Variants in PPP1R9A observed in about 807,000 individuals in gnomAD.
The protein encoded by PPP1R9A is protein phosphatase 1 regulatory subunit 9A, also known as neurabin-1.
Under a neutral mutation model 141.9 loss-of-function variants are expected in PPP1R9A, and 59 were observed. The observed-to-expected ratio is 0.42, with a 90% CI of 0.34 to 0.52. PPP1R9A has a LOEUF of 0.52. PPP1R9A is among the 20% of genes least tolerant of loss of function. The probability of loss-of-function intolerance (pLI) is 0.10; values close to 1 mark genes in which losing one functional copy is unlikely to be tolerated. For synonymous variants in PPP1R9A, 500 were observed against 569.7 expected (o/e 0.88, Z 1.74); for missense variants, 1,444 against 1,611.9 (o/e 0.90, Z 1.78).
chr7:94,984,939 T>C (rs754281419), intron 2 of PPP1R9A, among the ~76,000 whole-genome samples: 11 of 152,046 alleles, frequency 7.2e-5, no homozygotes, highest in African/African-American at 2.2e-4. Flanking sequence ...TGTCAATTTT[T>C]GATCTTTCCT....
At chr7:94,981,604 TACAGATA>T (rs1352329477) in intron 2 of PPP1R9A, among the ~76,000 whole-genome samples, 3 of 152,176 alleles carry the variant, frequency 2.0e-5, no homozygotes, top group African/African-American at 7.2e-5. Context: ...CACCTTGTAT[TACAGATA>T]ATTTTCTTTT....
At chr7:94,999,294 T>A (rs1802565398) in intron 2 of PPP1R9A, among the ~76,000 whole-genome samples, 1 of 152,158 alleles carries the variant, frequency 6.6e-6, no homozygotes, top group Non-Finnish European at 1.5e-5. Flanking sequence ...ATCTAAGAGC[T>A]ACAGTTTAAT....
At chr7:94,927,136 T>A (rs1378655757) in intron 2 of PPP1R9A, among the ~76,000 whole-genome samples, 2 of 152,214 alleles carry the variant, frequency 1.3e-5, no homozygotes, top group African/African-American at 4.8e-5. Flanking sequence ...TTTTCTGCAT[T>A]TTCTTTTTAA....
At chr7:95,036,969 C>T (rs918548666) in intron 2 of PPP1R9A, 3 of 152,120 alleles carry the variant, frequency 2.0e-5, no homozygotes, top group Non-Finnish European at 2.9e-5. Context: ...ATGCTGCTGT[C>T]GTTCATACAC....
At chr7:95,193,003 T>A (rs1296053343) in intron 5 of PPP1R9A, among the ~76,000 whole-genome samples, 1 of 152,110 alleles carries the variant, frequency 6.6e-6, no homozygotes, top group Non-Finnish European at 1.5e-5. Flanking sequence ...ATAACAATAG[T>A]GCATTCAAAT....
At chr7:95,176,080 T>C (rs2152768693) in intron 5 of PPP1R9A, among the ~76,000 whole-genome samples, 1 of 151,916 alleles carries the variant, frequency 6.6e-6, no homozygotes, top group East Asian at 1.9e-4. Flanking sequence ...CCACAGACCC[T>C]CTGAAAGAAG....
intron 5 of PPP1R9A, among the ~76,000 whole-genome samples, chr7:95,178,931 A>C (rs906693240): frequency 5.3e-5 from 8 of 152,172 alleles, no homozygotes; most frequent in African/African-American, 1.9e-4. Context: ...GATTCACAGC[A>C]GAATTCTATC....
rs1344552087 is a variant in PPP1R9A, at chr7:95,290,579, CTTGTG to C, written c.*285_*289del. On this transcript the variant is annotated 3_prime_UTR_variant, in exon 20 of 20. Transcript: ENST00000433360. Reference sequence around the variant, plus strand: ...TTGCTCTTCTCTAACTTACCAACATCTTGTGTTGTGTTGGGTGTGTTTTGTCACTT... The same window carrying C: ...TTGCTCTTCTCTAACTTACCAACATCTTGTGTTGGGTGTGTTTTGTCACTT... 3.4e-5 allele frequency: 13 copies of C among 378,792 alleles called. No individual in the cohort carries two copies. The highest frequency in any genetic ancestry group is 5.4e-5 in the Non-Finnish European group (11 of 204,032). 23.5% of individuals were successfully genotyped at this position (378,792 alleles called of 1,614,324 possible). A position where few individuals can be genotyped will look rare whatever the true frequency, so the allele number is the denominator to read the frequency against.
At chr7:95,079,001 C>G (rs1815333025) in intron 2 of PPP1R9A, among the ~76,000 whole-genome samples, 2 of 151,970 alleles carry the variant, frequency 1.3e-5, no homozygotes, top group South Asian at 4.1e-4. Context: ...TCCCATTTGT[C>G]AATTTTGGCT....
At chr7:95,009,473 G>A (rs1804108793) in intron 2 of PPP1R9A, among the ~76,000 whole-genome samples, 1 of 152,160 alleles carries the variant, frequency 6.6e-6, no homozygotes, top group Admixed American at 6.5e-5. Context: ...AGGTAGTAGG[G>A]AAGTTTTGAG....
chr7:94,981,148 T>G (rs1321007281), intron 2 of PPP1R9A, among the ~76,000 whole-genome samples: 1 of 152,018 alleles, frequency 6.6e-6, no homozygotes, highest in Non-Finnish European at 1.5e-5. Flanking sequence ...GAAGCTTAGG[T>G]TTTTGGTCTC....
At chr7:95,140,617 C>G (rs1043501378) in intron 4 of PPP1R9A, among the ~76,000 whole-genome samples, 1 of 152,196 alleles carries the variant, frequency 6.6e-6, no homozygotes, top group Non-Finnish European at 1.5e-5. Flanking sequence ...TCTTGAATTC[C>G]TGGTCCCAAG....
At chr7:95,240,168 T>C (rs1797246423) in intron 8 of PPP1R9A, among the ~76,000 whole-genome samples, 1 of 151,796 alleles carries the variant, frequency 6.6e-6, no homozygotes, top group Non-Finnish European at 1.5e-5. Flanking sequence ...TTATGAACTT[T>C]TTCCCTGAAA....
At chr7:95,178,376 G>A (rs1833207858) in intron 5 of PPP1R9A, among the ~76,000 whole-genome samples, 2 of 152,006 alleles carry the variant, frequency 1.3e-5, no homozygotes, top group Admixed American at 6.6e-5. Flanking sequence ...CAGGGATACA[G>A]CAAATGTGGT....
rs1790082970 is a variant in PPP1R9A at position 95,203,710 on chromosome 7, A to T, written c.1936A>T (p.Asn646Tyr). The T allele has an allele frequency of 6.5e-7, 1 of 1,535,934 alleles. No homozygotes were observed. Among genetic ancestry groups the T allele is most frequent in the African/African-American group, 1.4e-5 (1 of 73,136 alleles). ...LQGMSGNCNN[N>Y]NNYFLKTGEY... The stretch of plus-strand genomic sequence containing the variant: ...AGGAATGTCTGGCAACTGCAATAAC[A>T]ATAACAACTATTTTCTTAAGGTTTG... The change falls in exon 7 of 20, where the codon AAT (asparagine) becomes TAT (tyrosine). Residue 646 changes from asparagine (N) to tyrosine (Y), a missense_variant. Asn to Tyr is a moderately radical substitution (Grantham distance 143). This residue lies in a region of PPP1R9A where 488 missense variants were observed against 542.0 expected (regional missense o/e 0.90). Transcript: ENST00000433360.
chr7:95,196,971 G>A (rs1836379100), intron 5 of PPP1R9A, among the ~76,000 whole-genome samples: 1 of 151,876 alleles, frequency 6.6e-6, no homozygotes, highest in Non-Finnish European at 1.5e-5. Flanking sequence ...ATTTCCAAAG[G>A]AAAATAACAC....
intron 2 of PPP1R9A, among the ~76,000 whole-genome samples, chr7:95,098,856 C>T (rs1342794717): frequency 6.6e-6 from 1 of 152,144 alleles, no homozygotes; most frequent in East Asian, 1.9e-4. Context: ...GGTCCAGTCA[C>T]CCCTGGGGGA....
chr7:95,209,142 A>T (rs1466744157), intron 7 of PPP1R9A, among the ~76,000 whole-genome samples: 2 of 152,170 alleles, frequency 1.3e-5, no homozygotes, highest in African/African-American at 4.8e-5. Context: ...ATTATGTTTT[A>T]AATTTATTTA....
chr7:94,952,995 C>A (rs949235474), intron 2 of PPP1R9A, among the ~76,000 whole-genome samples: 9 of 152,118 alleles, frequency 5.9e-5, no homozygotes, highest in Non-Finnish European at 1.2e-4. Flanking sequence ...GCTTTTGTTG[C>A]CATTGCTTTT....
Sources: gnomAD v4.1 joint callset for allele counts (sites outside exome capture counted in the v4.1 genomes callset) on GRCh38, gnomAD v4.1.1 for gene constraint, gnomAD v4.1.1 regional missense constraint, MANE v1.5 for transcripts, NCBI Gene and HGNC (gene_info 2026-07-23, HGNC 2026-07-21) for gene names.